Variants in RPS29 observed in about 807,000 individuals in gnomAD.
The protein encoded by RPS29 is small ribosomal subunit protein uS14.
For missense variants in RPS29, 60 were observed against 75.7 expected (o/e 0.79, Z 0.77); for synonymous variants, 37 against 26.9 (o/e 1.37, Z -1.16).
chr14:49,586,249 G>C, intron 1 of RPS29, 36 bp downstream of exon 1: 1 of 1,602,940 alleles, frequency 6.2e-7, no homozygotes, highest in Non-Finnish European at 8.5e-7. Flanking sequence ...AGCGCTCCAC[G>C]GCAACGCTTC....
upstream of RPS29, chr14:49,586,712 A>G (rs980590379): frequency 3.9e-5 from 10 of 258,942 alleles, no homozygotes; most frequent in Non-Finnish European, 5.5e-5. Flanking sequence ...CGGCATCAAT[A>G]TGGTGACCTC....
upstream of RPS29, among the ~76,000 whole-genome samples, chr14:49,587,466 A>C: frequency 6.6e-6 from 1 of 152,254 alleles, no homozygotes; most frequent in East Asian, 1.9e-4. Flanking sequence ...CAATTCCAGA[A>C]ACTTTTACAT....
intron 2 of RPS29, among the ~76,000 whole-genome samples, chr14:49,584,229 G>A (rs532920898): frequency 6.8e-4 from 103 of 152,288 alleles, no homozygotes; most frequent in African/African-American, 2.4e-3. Flanking sequence ...CCATCTTGTC[G>A]GCCTCCCAAA....
rs147518977 is a variant in RPS29 at position 49,575,234 on chromosome 14, G to T, written c.*2578C>A. 8.2e-3 allele frequency: 1,250 copies of T among 152,348 alleles called. 16 individuals are homozygous for T. Among genetic ancestry groups the T allele is most frequent in the African/African-American group, 0.029 (1,186 of 41,538 alleles). The allele number at this position is 152,348 out of a possible 1,614,324, so 9.4% of individuals were successfully genotyped here. A position where few individuals can be genotyped will look rare whatever the true frequency, so the allele number is the denominator to read the frequency against. ...TTTTTTGTATTTTTAGTAAAGATGG[G>T]GTTTCACTGCATTGGCCAGGCTGGT... On this transcript the variant is annotated 3_prime_UTR_variant, in exon 3 of 3. Transcript: ENST00000396020.
intron 2 of RPS29, chr14:49,585,647 T>C: frequency 2.3e-6 from 1 of 440,742 alleles, no homozygotes; most frequent in Non-Finnish European, 4.0e-6. Flanking sequence ...TAAAACAATT[T>C]TAGTGGCTTC....
At chr14:49,571,597 AG>A (rs1881057448) in exon 3 of RPS29, 1 of 152,194 alleles carries the variant, frequency 6.6e-6, no homozygotes, top group Non-Finnish European at 1.5e-5. Context: ...AGTAAGGGGT[AG>A]GGTGGAGATT....
At chr14:49,580,693 G>A (rs1881309314), downstream of RPS29, among the ~76,000 whole-genome samples, 2 of 152,180 alleles carry the variant, frequency 1.3e-5, no homozygotes, top group South Asian at 2.1e-4. Context: ...CCAACATGGT[G>A]AAACCCTGCC....
chr14:49,586,414 G>C (rs962352596), upstream of RPS29: 2 of 1,416,474 alleles, frequency 1.4e-6, no homozygotes, highest in African/African-American at 1.4e-5. Context: ...TCAAATTTTT[G>C]AGACAGTTTA....
upstream of RPS29, among the ~76,000 whole-genome samples, chr14:49,587,146 AG>A (rs1881605794): frequency 1.3e-5 from 2 of 152,168 alleles, no homozygotes; most frequent in South Asian, 4.1e-4. Context: ...CACTCCTCCA[AG>A]AAATACACCT....
chr14:49,586,372 A>T lies in RPS29; in HGVS notation c.-26T>A. The T allele has an allele frequency of 6.2e-7, 1 of 1,608,474 alleles. No homozygotes were observed. The highest frequency in any genetic ancestry group is 8.5e-7 in the Non-Finnish European group (1 of 1,174,806). On this transcript the variant is annotated 5_prime_UTR_variant, in exon 1 of 3. Transcript: ENST00000245458. ...CTTGCTCTCAGCAGTGCAACGAGGT[A>T]AAAGGAAGAAGCTGGCCCACGCATG... is the stretch of plus-strand genomic sequence containing the variant.
chr14:49,586,294 G>C lies in RPS29; in HGVS notation c.53C>G (p.Ser18Cys). 1 of 1,613,836 alleles carries C rather than the reference G, an allele frequency of 6.2e-7. No individual in the cohort carries two copies. Among genetic ancestry groups the C allele is most frequent in the Admixed American group, 1.7e-5 (1 of 60,028 alleles). ...WSHPRKFGQG[S>C]RSCRVCSNRH... ...ACAAACTATTTCTCACCAAGAGCGA[G>C]AACCCTGGCCGAATTTTCGCGGGTG... The change falls in exon 1 of 3, where the codon TCT becomes TGT. Residue 18 changes from serine (S) to cysteine (C), a missense_variant. By Grantham distance (112) the Ser-to-Cys change is moderately radical. Transcript: ENST00000245458.
intron 2 of RPS29, 102 bp from the exon 3 acceptor site, chr14:49,583,777 C>T (rs891122637): frequency 3.3e-5 from 25 of 761,466 alleles, no homozygotes; most frequent in Admixed American, 7.2e-5. Flanking sequence ...AATTACAGAA[C>T]TGGACCTTTG....
exon 3 of RPS29, chr14:49,575,729 T>C (rs1881162450): frequency 6.6e-6 from 1 of 152,146 alleles, no homozygotes; most frequent in Non-Finnish European, 1.5e-5. Context: ...TGCACACTTA[T>C]GGTCCTAGCT....
downstream of RPS29, chr14:49,583,544 T>G (rs776953847): frequency 1.7e-5 from 17 of 1,006,804 alleles, no homozygotes; most frequent in Non-Finnish European, 2.0e-5. Context: ...CAATTAGCTA[T>G]TCCAGTCACA....
At position 49,575,841 on chromosome 14, in the gene RPS29, C is replaced by T. The variant is rs1881165044; in HGVS notation, c.*1971G>A. On this transcript the variant is annotated 3_prime_UTR_variant, in exon 3 of 3. Coordinates refer to the RPS29 transcript ENST00000396020. ...TGCCAGTCTGGGTGATAGAGCAAGG[C>T]CATGTCCAAAAAAATTAAAATAAAT... 3.9e-5 allele frequency: 6 copies of T among 152,160 alleles called. No individual in the cohort carries two copies. In the South Asian group the frequency reaches 1.2e-3, roughly 32 times the overall value. 9.4% of individuals were successfully genotyped at this position (152,160 alleles called of 1,614,324 possible). A position where few individuals can be genotyped will look rare whatever the true frequency, so the allele number is the denominator to read the frequency against.
At chr14:49,594,955 A>C (rs1302621513) in intron 1 of RPS29, among the ~76,000 whole-genome samples, 1 of 152,140 alleles carries the variant, frequency 6.6e-6, no homozygotes, top group African/African-American at 2.4e-5. Context: ...AAGCAGCTTT[A>C]TTTGAACTTG....
At chr14:49,597,659 C>CTT (rs34224175) in intron 1 of RPS29, 67,603 of 147,336 alleles carry the variant, frequency 0.46, 16,356 homozygotes, top group Middle Eastern at 0.55. Flanking sequence ...AAAGTAATTT[C>CTT]TTTTTTTTTT....
chr14:49,583,759 T>C, intron 2 of RPS29, 84 bp from the exon 3 acceptor site: 4 of 862,800 alleles, frequency 4.6e-6, no homozygotes, highest in Non-Finnish European at 7.7e-6. Flanking sequence ...CATTATAGAA[T>C]GTTATAGAAT....
exon 3 of RPS29, chr14:49,577,578 G>C (rs878896977): frequency 1.5e-6 from 1 of 651,132 alleles, no homozygotes; most frequent in African/African-American, 1.8e-5. Flanking sequence ...GGAACTTCCA[G>C]AAGCCACTGG....
Sources: gnomAD v4.1 joint callset for allele counts (sites outside exome capture counted in the v4.1 genomes callset) on GRCh38, gnomAD v4.1.1 for gene constraint, MANE v1.5 for transcripts, NCBI Gene and HGNC (gene_info 2026-07-23, HGNC 2026-07-21) for gene names.